SDK1: variants seen among roughly 807,000 people sequenced by gnomAD.
The protein encoded by SDK1 is sidekick cell adhesion molecule 1.
In SDK1, 157 loss-of-function variants were observed where a neutral mutation model predicts 245.5. The observed-to-expected ratio is 0.64, with a 90% CI of 0.56 to 0.73. The LOEUF (loss-of-function observed/expected upper bound fraction) is 0.73, where lower values mean the gene tolerates loss of function less well. SDK1 is among the 30% of genes least tolerant of loss of function. SDK1 has a pLI of 0.00. For synonymous variants in SDK1, 1,647 were observed against 1,278.5 expected (o/e 1.29, Z -6.15); for missense variants, 3,583 against 3,002.3 (o/e 1.19, Z -4.52).
intron 1 of SDK1, among the ~76,000 whole-genome samples, chr7:3,418,247 G>T (rs1779435293): frequency 6.6e-6 from 1 of 151,974 alleles, no homozygotes; most frequent in Non-Finnish European, 1.5e-5. Flanking sequence ...AGCCCGGGAG[G>T]CGGAGGTTGC....
chr7:4,196,671 C>G (rs1394124165), intron 35 of SDK1, among the ~76,000 whole-genome samples: 1 of 152,198 alleles, frequency 6.6e-6, no homozygotes, highest in South Asian at 2.1e-4. Flanking sequence ...GGGCTCATTC[C>G]CAGCACAGAG....
At chr7:3,774,652 G>C (rs1174479937) in intron 4 of SDK1, among the ~76,000 whole-genome samples, 1 of 152,156 alleles carries the variant, frequency 6.6e-6, no homozygotes, top group African/African-American at 2.4e-5. Flanking sequence ...GTCCAGGTGA[G>C]AATACAGACT....
chr7:3,400,682 G>C (rs866549212), intron 1 of SDK1, among the ~76,000 whole-genome samples: 19 of 152,122 alleles, frequency 1.2e-4, no homozygotes, highest in African/African-American at 4.6e-4. Flanking sequence ...AGAAATATAT[G>C]TGTCATAATT....
At chr7:3,442,911 T>A (rs577603190) in intron 1 of SDK1, among the ~76,000 whole-genome samples, 2 of 152,320 alleles carry the variant, frequency 1.3e-5, no homozygotes, top group East Asian at 3.9e-4. Flanking sequence ...CTTTTCGTTT[T>A]GCCCCAGTCT....
chr7:3,418,440 AAG>A (rs1459756470), intron 1 of SDK1, among the ~76,000 whole-genome samples: 3 of 152,194 alleles, frequency 2.0e-5, no homozygotes, highest in Non-Finnish European at 2.9e-5. Flanking sequence ...GTGCTCCAGA[AAG>A]AGCAAAGAGC....
intron 4 of SDK1, among the ~76,000 whole-genome samples, chr7:3,720,296 G>A (rs1157230957): frequency 6.6e-6 from 1 of 151,718 alleles, no homozygotes; most frequent in Non-Finnish European, 1.5e-5. Flanking sequence ...AAAAACTGCA[G>A]ACATGGAAAA....
intron 8 of SDK1, among the ~76,000 whole-genome samples, chr7:3,960,275 T>C (rs1781578428): frequency 1.3e-5 from 2 of 152,154 alleles, no homozygotes; most frequent in South Asian, 4.1e-4. Flanking sequence ...CCTGTGGAAG[T>C]TACTCATTAA....
At chr7:3,917,912 T>C (rs746766221) in intron 5 of SDK1, among the ~76,000 whole-genome samples, 2 of 152,124 alleles carry the variant, frequency 1.3e-5, no homozygotes, top group Non-Finnish European at 2.9e-5. Flanking sequence ...ATGGGAAGAT[T>C]TGGGGCTCAG....
At chr7:3,903,446 G>T (rs899405582) in intron 5 of SDK1, among the ~76,000 whole-genome samples, 1 of 151,938 alleles carries the variant, frequency 6.6e-6, no homozygotes, top group East Asian at 1.9e-4. Flanking sequence ...GCGCCCGGCC[G>T]ACAGTTTTTT....
chr7:3,555,355 T>C (rs12670592), intron 1 of SDK1, among the ~76,000 whole-genome samples: 1 of 151,958 alleles, frequency 6.6e-6, no homozygotes, highest in Admixed American at 6.6e-5. Flanking sequence ...TCAGTAAATG[T>C]TGCTGGGAAA....
intron 21 of SDK1, 149 bp from the exon 22 acceptor site, chr7:4,079,314 G>T: frequency 9.8e-7 from 1 of 1,019,368 alleles, no homozygotes. Context: ...AAGCTGTGCT[G>T]CTTCTCACCT....
At chr7:3,986,631 C>A (rs1461270159) in intron 13 of SDK1, among the ~76,000 whole-genome samples, 3 of 152,134 alleles carry the variant, frequency 2.0e-5, no homozygotes, top group Non-Finnish European at 4.4e-5. Flanking sequence ...GAGGCCAAGG[C>A]GGGTGAATCA....
At chr7:3,941,948 G>C (rs376825288) in intron 5 of SDK1, among the ~76,000 whole-genome samples, 23 of 136,864 alleles carry the variant, frequency 1.7e-4, no homozygotes, top group African/African-American at 6.3e-4. Context: ...TTGCTCTGTC[G>C]CCCAAGCTGG....
At chr7:3,474,431 C>T (rs959332082) in intron 1 of SDK1, among the ~76,000 whole-genome samples, 10 of 151,956 alleles carry the variant, frequency 6.6e-5, no homozygotes, top group African/African-American at 1.5e-4. Flanking sequence ...TCACATCCCT[C>T]CTGTCCAGTA....
At chr7:3,811,027 C>T (rs556242636) in intron 4 of SDK1, among the ~76,000 whole-genome samples, 5 of 152,088 alleles carry the variant, frequency 3.3e-5, no homozygotes, top group Non-Finnish European at 5.9e-5. Flanking sequence ...TGATATTTAG[C>T]CCCTAGAAGA....
chr7:4,186,455 G>A (rs1782900135), intron 35 of SDK1, among the ~76,000 whole-genome samples: 1 of 152,216 alleles, frequency 6.6e-6, no homozygotes, highest in African/African-American at 2.4e-5. Context: ...CAAATAAAAA[G>A]AGGTGCTGTG....
intron 1 of SDK1, among the ~76,000 whole-genome samples, chr7:3,333,728 G>C (rs73046688): frequency 0.034 from 5,122 of 152,248 alleles, 118 homozygotes; most frequent in Middle Eastern, 0.085. Flanking sequence ...TATTGGTCAG[G>C]GTTCGATTAT....
intron 1 of SDK1, chr7:3,338,403 C>T (rs1780258841): frequency 3.8e-6 from 2 of 525,658 alleles, no homozygotes; most frequent in East Asian, 4.9e-5. Flanking sequence ...GCGTGTTGAG[C>T]ACATTAAGCA....
At chr7:3,715,047 G>C (rs1179761639) in intron 4 of SDK1, among the ~76,000 whole-genome samples, 1 of 152,126 alleles carries the variant, frequency 6.6e-6, no homozygotes, top group African/African-American at 2.4e-5. Flanking sequence ...TCATCTCTCA[G>C]ATGCCTCAGC....
Sources: allele counts gnomAD v4.1 joint callset (sites outside exome capture counted in the v4.1 genomes callset), GRCh38; gene constraint gnomAD v4.1.1; transcripts MANE v1.5; gene names NCBI Gene and HGNC (gene_info 2026-07-23, HGNC 2026-07-21).